Variants in SGMS1 observed in about 807,000 individuals in gnomAD.
SGMS1 encodes the protein phosphatidylcholine:ceramide cholinephosphotransferase 1.
SGMS1 carries 13 observed loss-of-function variants against 46.2 expected under a neutral mutation model. The observed-to-expected ratio is 0.28, with a 90% CI of 0.18 to 0.45. SGMS1 has a LOEUF of 0.45. Among genes scored for constraint, SGMS1 ranks in the 20% least tolerant of loss-of-function variants. The probability of loss-of-function intolerance (pLI) is 1.00; values close to 1 mark genes in which losing one functional copy is unlikely to be tolerated. For synonymous variants in SGMS1, 203 were observed against 187.8 expected, an observed-to-expected ratio of 1.08 and a Z score of -0.66; for missense variants, 324 against 519.9, an observed-to-expected ratio of 0.62 and a Z score of 3.66.
At chr10:50,586,495 C>G (rs892210572) in intron 2 of SGMS1, among the ~76,000 whole-genome samples, 2 of 152,256 alleles carry the variant, frequency 1.3e-5, no homozygotes, top group Non-Finnish European at 2.9e-5. Context: ...CTCTTTGCCC[C>G]TCACCTAACA....
chr10:50,329,338 A>G (rs181543365), intron 7 of SGMS1, among the ~76,000 whole-genome samples: 3 of 152,334 alleles, frequency 2.0e-5, no homozygotes, highest in Non-Finnish European at 2.9e-5. Context: ...CACATTTACT[A>G]TTTGACTTAA....
At chr10:50,410,759 T>C (rs989113936) in intron 6 of SGMS1, among the ~76,000 whole-genome samples, 1 of 152,166 alleles carries the variant, frequency 6.6e-6, no homozygotes, top group Non-Finnish European at 1.5e-5. Flanking sequence ...GGAAGACCCA[T>C]ATGGAGACCT....
intron 2 of SGMS1, among the ~76,000 whole-genome samples, chr10:50,554,295 C>T (rs556206309): frequency 6.6e-6 from 1 of 152,190 alleles, no homozygotes; most frequent in Non-Finnish European, 1.5e-5. Flanking sequence ...AAACCCGTTC[C>T]GGTCTGTCAG....
At chr10:50,349,330 G>C (rs1268020903) in intron 6 of SGMS1, among the ~76,000 whole-genome samples, 1 of 152,164 alleles carries the variant, frequency 6.6e-6, no homozygotes, top group African/African-American at 2.4e-5. Context: ...TCTCCTCCCT[G>C]AATTCCTAAA....
At chr10:50,609,521 GTT>G (rs370846975) in intron 1 of SGMS1, among the ~76,000 whole-genome samples, 110 of 117,002 alleles carry the variant, frequency 9.4e-4, no homozygotes, top group African/African-American at 3.3e-3. Flanking sequence ...CTTCTCAATA[GTT>G]TTTTTTTTTT....
At chr10:50,482,465 C>A (rs1009841082) in intron 3 of SGMS1, among the ~76,000 whole-genome samples, 3 of 152,084 alleles carry the variant, frequency 2.0e-5, no homozygotes, top group Non-Finnish European at 4.4e-5. Flanking sequence ...CAGGCATAAG[C>A]AAAGGAAAAT....
chr10:50,569,387 C>T (rs576543324), intron 2 of SGMS1, among the ~76,000 whole-genome samples: 104 of 150,954 alleles, frequency 6.9e-4, no homozygotes, highest in Non-Finnish European at 1.3e-3. Flanking sequence ...AGGAACCTGA[C>T]ATAGCAGAAA....
chr10:50,350,254 G>A lies in SGMS1; in HGVS notation c.-231-5909C>T, dbSNP rs117114005. 0.028 allele frequency among the ~76,000 whole-genome samples: 4,259 copies of A among 152,216 alleles called. 541 individuals are homozygous for A. In the East Asian group the frequency reaches 0.36, roughly 13 times the overall value. On this transcript the variant is annotated intron_variant, in intron 6 of 10. Coordinates refer to ENST00000361781, the MANE Select transcript of SGMS1 (RefSeq NM_147156.4). ...AGAGAGACGTTTTAGGGTACCTGGC[G>A]GAAGAAATTTCTAAGCAGTAAAGCA... is the stretch of plus-strand genomic sequence containing the variant.
intron 6 of SGMS1, among the ~76,000 whole-genome samples, chr10:50,357,872 G>C (rs1378919110): frequency 6.6e-6 from 1 of 152,168 alleles, no homozygotes; most frequent in Non-Finnish European, 1.5e-5. Context: ...AGAAACTACA[G>C]GATTCTAGAT....
At chr10:50,592,871 T>C (rs913894097) in intron 1 of SGMS1, among the ~76,000 whole-genome samples, 17 of 129,884 alleles carry the variant, frequency 1.3e-4, no homozygotes, top group Admixed American at 8.9e-4. Context: ...CTGTGAAATA[T>C]ACTATATTTA....
Position 50,362,138 on chromosome 10 carries a change from G to C in SGMS1, c.-231-17793C>G, listed in dbSNP as rs181776018. 2.0e-4 allele frequency among the ~76,000 whole-genome samples: 30 copies of C among 152,240 alleles called. 1 individual carries two copies. The highest frequency in any genetic ancestry group is 4.6e-4 in the Admixed American group (7 of 15,298). ...GCAAAGGAGATGACTTATGGTTCCA[G>C]AACATGGACCCAGTGATGCGTATCT... On this transcript the variant is annotated intron_variant, in intron 6 of 10. Coordinates refer to ENST00000361781, the MANE Select transcript of SGMS1 (RefSeq NM_147156.4).
chr10:50,456,413 G>GATCAT (rs2133675573), intron 5 of SGMS1, among the ~76,000 whole-genome samples: 1 of 152,230 alleles, frequency 6.6e-6, no homozygotes, highest in South Asian at 2.1e-4. Context: ...GTTTGGTGAG[G>GATCAT]ATCATAGTGA....
chr10:50,416,144 C>T (rs1849166264), intron 6 of SGMS1, among the ~76,000 whole-genome samples: 4 of 152,138 alleles, frequency 2.6e-5, no homozygotes, highest in Admixed American at 2.6e-4. Context: ...ACTTTTAAAT[C>T]ACTTAAAAAT....
At chr10:50,431,874 A>G (rs958822004) in intron 6 of SGMS1, among the ~76,000 whole-genome samples, 2 of 152,180 alleles carry the variant, frequency 1.3e-5, no homozygotes, top group East Asian at 3.9e-4. Context: ...GCACTTGGAG[A>G]TCAGTTTAAC....
chr10:50,552,384 C>G (rs1053565450), intron 2 of SGMS1, among the ~76,000 whole-genome samples: 1 of 152,044 alleles, frequency 6.6e-6, no homozygotes, highest in Non-Finnish European at 1.5e-5. Context: ...GTAGACATAC[C>G]CTTTAAAAAG....
chr10:50,519,089 C>T, intron 3 of SGMS1, among the ~76,000 whole-genome samples: 1 of 147,312 alleles, frequency 6.8e-6, no homozygotes, highest in East Asian at 2.0e-4. Flanking sequence ...CATAACAGGG[C>T]AAAAAAAAAT....
chr10:50,517,818 T>TA (rs1837818912), intron 3 of SGMS1, among the ~76,000 whole-genome samples: 1 of 151,902 alleles, frequency 6.6e-6, no homozygotes, highest in African/African-American at 2.4e-5. Context: ...AAATGAAAGA[T>TA]AAACAGATGT....
At chr10:50,613,297 C>A (rs1032762606) in intron 1 of SGMS1, among the ~76,000 whole-genome samples, 2 of 152,190 alleles carry the variant, frequency 1.3e-5, no homozygotes, top group Admixed American at 6.5e-5. Flanking sequence ...GCTAGGTGTG[C>A]AGCTTTGATA....
At chr10:50,371,353 T>A (rs1436072706) in intron 6 of SGMS1, among the ~76,000 whole-genome samples, 1 of 152,178 alleles carries the variant, frequency 6.6e-6, no homozygotes, top group Non-Finnish European at 1.5e-5. Context: ...GCTTCCTCAA[T>A]ACTGCTCCCG....
Sources: gnomAD v4.1 joint callset for allele counts (sites outside exome capture counted in the v4.1 genomes callset) on GRCh38, gnomAD v4.1.1 for gene constraint, MANE v1.5 for transcripts, NCBI Gene and HGNC (gene_info 2026-07-23, HGNC 2026-07-21) for gene names.